DENND2A: variants seen among roughly 807,000 people sequenced by gnomAD.
The protein encoded by DENND2A is DENN domain containing 2A, also known as DENN domain-containing protein 2A.
In DENND2A, 53 loss-of-function variants were observed where a neutral mutation model predicts 105.3. The observed-to-expected ratio is 0.50, with a 90% CI of 0.40 to 0.63. The LOEUF (loss-of-function observed/expected upper bound fraction) is 0.63. Ranked by LOEUF, DENND2A falls within the 30% of genes least tolerant of loss-of-function variation. The pLI is 0.00. For missense variants in DENND2A, 1,138 were observed against 1,279.6 expected, an observed-to-expected ratio of 0.89 and a Z score of 1.69; for synonymous variants, 522 against 508.4, an observed-to-expected ratio of 1.03 and a Z score of -0.36.
chr7:140,519,694 T>A lies in DENND2A; in HGVS notation c.2936A>T (p.Glu979Val). 2 of 1,614,084 alleles carry A rather than the reference T, an allele frequency of 1.2e-6. No individual in the cohort carries two copies. Among genetic ancestry groups the A allele is most frequent in the East Asian group, 4.5e-5 (2 of 44,872 alleles). ...AKGLFEVRAQ[E>V]YLETLPSGEH... ...TCCACTGGGGAGTGTTTCCAGATAC[T>A]CTTGGGCTCGGACCTCAAACAGACC... The change falls in exon 19 of 20, where the codon GAG (glutamate) becomes GTG (valine). Residue 979 changes from glutamate (E) to valine (V), a missense_variant. Transcript: ENST00000496613.
Position 140,578,476 on chromosome 7 carries a change from T to C in DENND2A, c.1246-4468A>G, listed in dbSNP as rs144537246. The stretch of plus-strand genomic sequence containing the variant: ...ACATCATTCCTACTCTTAGGAGACC[T>C]CCTGTGCTGTCTGTCATTCACACAA... On this transcript the variant is annotated intron_variant, in intron 5 of 19. Coordinates refer to ENST00000496613, the MANE Select transcript of DENND2A (RefSeq NM_015689.5). Among the ~76,000 whole-genome samples, 16 of 152,328 alleles carry C rather than the reference T, an allele frequency of 1.1e-4. No individual in the cohort carries two copies. The East Asian group carries it at 2.9e-3, about 28-fold the overall frequency.
chr7:140,540,874 C>T (rs773005061), intron 14 of DENND2A, among the ~76,000 whole-genome samples: 13 of 152,092 alleles, frequency 8.5e-5, no homozygotes, highest in Non-Finnish European at 1.8e-4. Context: ...CACGCCACCA[C>T]GACCAGCTAA....
chr7:140,558,053 T>C, intron 11 of DENND2A, 90 bp downstream of exon 11: 1 of 1,011,882 alleles, frequency 9.9e-7, no homozygotes, highest in Non-Finnish European at 1.5e-6. Flanking sequence ...GGAATCTCAG[T>C]CTCACGGGAC....
At chr7:140,529,839 T>A (rs551563458) in intron 14 of DENND2A, among the ~76,000 whole-genome samples, 2 of 152,100 alleles carry the variant, frequency 1.3e-5, no homozygotes, top group Admixed American at 1.3e-4. Flanking sequence ...ATATACCCAA[T>A]GTAAATGACG....
chr7:140,595,414 T>C (rs567847069), intron 3 of DENND2A, among the ~76,000 whole-genome samples: 2 of 152,336 alleles, frequency 1.3e-5, no homozygotes, highest in South Asian at 4.1e-4. Flanking sequence ...ATTGAGTTAA[T>C]TTTTAGTAAA....
intron 8 of DENND2A, 110 bp downstream of exon 8, chr7:140,568,653 C>G (rs967081820): frequency 5.3e-5 from 63 of 1,185,754 alleles, no homozygotes; most frequent in Non-Finnish European, 3.7e-6. Flanking sequence ...CCACGCCTTG[C>G]CAAGCAAGCT....
chr7:140,638,795 A>G (rs1282412388), intron 1 of DENND2A, among the ~76,000 whole-genome samples: 1 of 152,192 alleles, frequency 6.6e-6, no homozygotes, highest in Non-Finnish European at 1.5e-5. Flanking sequence ...TAGCCCAAGC[A>G]TCACCTAATC....
intron 9 of DENND2A, among the ~76,000 whole-genome samples, chr7:140,563,150 A>G (rs920615835): frequency 1.3e-5 from 2 of 152,214 alleles, no homozygotes; most frequent in African/African-American, 4.8e-5. Context: ...TCCACAAAGG[A>G]AACAGCATTC....
Position 140,603,051 on chromosome 7 carries a change from G to A in DENND2A, c.-145-509C>T, listed in dbSNP as rs958624906. On this transcript the variant is annotated intron_variant, in intron 2 of 19. Transcript: ENST00000496613. ...TGTAATCCCAGCACTTTGGGAGGCC[G>A]AGGCGGGTGGATCACGAGGTCAGGA... Among the ~76,000 whole-genome samples, 7 of 152,218 alleles carry A rather than the reference G, an allele frequency of 4.6e-5. No individual in the cohort carries two copies. The South Asian group carries it at 8.3e-4, about 18-fold the overall frequency.
Position 140,640,101 on chromosome 7 carries a change from A to G in DENND2A, c.-248+403T>C, listed in dbSNP as rs954250874. 6.6e-6 allele frequency: 1 copy of G among 152,630 alleles called. No individual in the cohort carries two copies. The highest frequency in any genetic ancestry group is 1.5e-5 in the Non-Finnish European group (1 of 68,402). The allele number at this position is 152,630 out of a possible 1,614,324, so 9.5% of individuals were successfully genotyped here. ...ATGCCCCGCGCTTGCACGCGCACGC[A>G]CACACTCACACACACTCGCACAGAC... is the stretch of plus-strand genomic sequence containing the variant. On this transcript the variant is annotated intron_variant, in intron 1 of 19. Transcript: ENST00000496613. This position sits in a 1 kb window ranked among gnomAD's most constrained non-coding sequence, Gnocchi z 4.9.
At chr7:140,629,139 A>G (rs1261329997) in intron 1 of DENND2A, among the ~76,000 whole-genome samples, 1 of 152,196 alleles carries the variant, frequency 6.6e-6, no homozygotes, top group African/African-American at 2.4e-5. Flanking sequence ...TTCAAAGACA[A>G]TTAGGACAAC....
intron 12 of DENND2A, among the ~76,000 whole-genome samples, chr7:140,548,314 T>A (rs1263538824): frequency 2.9e-5 from 4 of 139,056 alleles, no homozygotes; most frequent in African/African-American, 5.0e-5. Context: ...AAAAAAAAAA[T>A]TCCAAACTCT....
At position 140,533,017 on chromosome 7, in the gene DENND2A, G is replaced by A. The variant is rs556794278; in HGVS notation, c.2328-5522C>T. Among the ~76,000 whole-genome samples the A allele has an allele frequency of 2.4e-3, 283 of 118,904 alleles. 1 individual carries two copies. Among genetic ancestry groups the A allele is most frequent in the African/African-American group, 9.4e-3 (273 of 29,106 alleles). The allele number at this position is 118,904 out of a possible 152,430, so 78.0% of individuals were successfully genotyped here. ...TTTTTTTTTTTTTTTTTTTGAGACA[G>A]TGTCTCACTCTGTTGCCAGGCTGGA... On this transcript the variant is annotated intron_variant, in intron 14 of 19. Coordinates refer to ENST00000496613, the MANE Select transcript of DENND2A (RefSeq NM_015689.5).
chr7:140,609,716 C>T (rs1253035837), intron 1 of DENND2A: 1 of 152,140 alleles, frequency 6.6e-6, no homozygotes, highest in Non-Finnish European at 1.5e-5. Flanking sequence ...TTTATCAACC[C>T]AGTCCATAAT....
chr7:140,545,429 C>T (rs1330500199), intron 13 of DENND2A, among the ~76,000 whole-genome samples: 3 of 152,138 alleles, frequency 2.0e-5, no homozygotes, highest in African/African-American at 7.2e-5. Flanking sequence ...TGGCTTATTG[C>T]AGCCTCCGCC....
At chr7:140,612,917 C>A (rs1215214796) in intron 1 of DENND2A, among the ~76,000 whole-genome samples, 1 of 151,724 alleles carries the variant, frequency 6.6e-6, no homozygotes, top group African/African-American at 2.4e-5. Flanking sequence ...GAGTTCAAGA[C>A]CACCCTTACT....
chr7:140,635,620 C>G (rs1800897238), intron 1 of DENND2A, among the ~76,000 whole-genome samples: 1 of 152,180 alleles, frequency 6.6e-6, no homozygotes, highest in South Asian at 2.1e-4. Context: ...AACCTCTTCC[C>G]TAAGCTTGCT....
At chr7:140,567,296 AAGAGAGAAAG>A (rs769390414) in intron 8 of DENND2A, 23 bp from the exon 9 acceptor site, 52,323 of 791,792 alleles carry the variant, frequency 0.066, 608 homozygotes, top group Admixed American at 0.12. Context: ...GGGAGAGAGA[AAGAGAGAAAG>A]AGAGAGAGAG....
At chr7:140,580,911 A>AC (rs1228014807) in intron 5 of DENND2A, among the ~76,000 whole-genome samples, 2 of 149,734 alleles carry the variant, frequency 1.3e-5, no homozygotes, top group African/African-American at 4.9e-5. Flanking sequence ...TGCTGGGATT[A>AC]CAGGTGTGAG....
Sources: allele counts gnomAD v4.1 joint callset (sites outside exome capture counted in the v4.1 genomes callset), GRCh38; gene constraint gnomAD v4.1.1; non-coding constraint Gnocchi (gnomAD v3.1); transcripts MANE v1.5; gene names NCBI Gene and HGNC (gene_info 2026-07-23, HGNC 2026-07-21).